The following LDLRAD2 variants were observed in gnomAD, a reference collection of about 807,000 sequenced individuals.
The protein encoded by LDLRAD2 is low density lipoprotein receptor class A domain containing 2.
LDLRAD2 carries 25 observed loss-of-function variants against 24.9 expected under a neutral mutation model. That is an observed-to-expected ratio of 1.00 (90% CI 0.73 to 1.40). The LOEUF (loss-of-function observed/expected upper bound fraction) is 1.40. Among genes scored for constraint, LDLRAD2 ranks in the 40% most tolerant of loss-of-function variants. LDLRAD2 has a pLI of 0.00. For synonymous variants in LDLRAD2, 182 were observed against 166.7 expected (o/e 1.09, Z -0.71); for missense variants, 391 against 366.2 (o/e 1.07, Z -0.55).
In LDLRAD2 at chr1:21,823,190, G is replaced by A; in HGVS notation, c.*975G>A. On this transcript the variant is annotated 3_prime_UTR_variant, in exon 5 of 5. Coordinates refer to ENST00000344642, the MANE Select transcript of LDLRAD2 (RefSeq NM_001013693.3). Reference sequence around the variant, plus strand: ...ATGCCCACCTCCAGTCCAGCCCAGGGCGGTAGCAGCAAAGCGTGGCATCGC... The same window carrying A: ...ATGCCCACCTCCAGTCCAGCCCAGGACGGTAGCAGCAAAGCGTGGCATCGC... 2 of 941,692 alleles carry A rather than the reference G, an allele frequency of 2.1e-6. No homozygotes were observed. The highest frequency in any genetic ancestry group is 2.8e-5 in the East Asian group (1 of 35,470). 58.3% of individuals were successfully genotyped at this position (941,692 alleles called of 1,614,324 possible). A position where few individuals can be genotyped will look rare whatever the true frequency, so the allele number is the denominator to read the frequency against.
chr1:21,823,443 G>T lies in LDLRAD2; in HGVS notation c.*1228G>T. 2 of 1,592,822 alleles carry T rather than the reference G, an allele frequency of 1.3e-6. No homozygotes were observed. The highest frequency in any genetic ancestry group is 1.3e-5 in the African/African-American group (1 of 74,822). ...GTTCTTGACACAGCCTGTGATGCCTGAGGAGAATCTGCCCCCGGTCAGCGT... is the reference window on the plus strand; with the variant it reads ...GTTCTTGACACAGCCTGTGATGCCTTAGGAGAATCTGCCCCCGGTCAGCGT... On this transcript the variant is annotated 3_prime_UTR_variant, in exon 5 of 5. Transcript: ENST00000344642.
intron 2 of LDLRAD2, among the ~76,000 whole-genome samples, chr1:21,815,640 A>G (rs776157368): frequency 6.6e-6 from 1 of 152,144 alleles, no homozygotes; most frequent in African/African-American, 2.4e-5. Context: ...TTTAAAAAAT[A>G]TAATAATTAA....
rs1225006602 is a variant in LDLRAD2, at chr1:21,821,567, C to T, written c.761C>T (p.Ser254Phe). 1 of 1,614,114 alleles carries T rather than the reference C, an allele frequency of 6.2e-7. No individual in the cohort carries two copies. The highest frequency in any genetic ancestry group is 8.5e-7 in the Non-Finnish European group (1 of 1,180,028). The change falls in exon 4 of 5, where the codon TCC (serine) becomes TTC (phenylalanine). Residue 254 changes from serine to phenylalanine, a missense_variant. By Grantham distance (155) the Ser-to-Phe change is radical (BLOSUM62 -2). Coordinates refer to ENST00000344642, the MANE Select transcript of LDLRAD2 (RefSeq NM_001013693.3). ...GSLWIAAERS[S>F]PAGRDPTRQD... The stretch of plus-strand genomic sequence containing the variant: ...CTCTGGATTGCAGCTGAGAGGAGTT[C>T]CCCAGCAGGCAGGGACCCCACGAGA...
chr1:21,822,379 C>T lies in LDLRAD2; in HGVS notation c.*164C>T, dbSNP rs2097953934. On this transcript the variant is annotated 3_prime_UTR_variant, in exon 5 of 5. Transcript: ENST00000344642. The stretch of plus-strand genomic sequence containing the variant: ...CAGGATGGCACTTGAGCTGGATCTT[C>T]AGGCTCCTGCAGATGGGGCAGGGTG... 1 of 681,576 alleles carries T rather than the reference C, an allele frequency of 1.5e-6. No homozygotes were observed. Among genetic ancestry groups the T allele is most frequent in the Non-Finnish European group, 2.6e-6 (1 of 387,064 alleles). 42.2% of individuals were successfully genotyped at this position (681,576 alleles called of 1,614,324 possible). A position where few individuals can be genotyped will look rare whatever the true frequency, so the allele number is the denominator to read the frequency against.
At position 21,819,043 on chromosome 1, in the gene LDLRAD2, G is replaced by A. The variant is rs113114856; in HGVS notation, c.644-2407G>A. Reference sequence around the variant, plus strand: ...AAGCTCGTTCCTTTGCTTCCTGGTGGGTCTCTTTAAGTTCTTCCCTGACTC... The same window carrying A: ...AAGCTCGTTCCTTTGCTTCCTGGTGAGTCTCTTTAAGTTCTTCCCTGACTC... On this transcript the variant is annotated intron_variant, in intron 3 of 4. Coordinates refer to ENST00000344642, the MANE Select transcript of LDLRAD2 (RefSeq NM_001013693.3). Among the ~76,000 whole-genome samples, 363 of 151,632 alleles carry A rather than the reference G, an allele frequency of 2.4e-3. 2 individuals carry two copies. The highest frequency in any genetic ancestry group is 8.5e-3 in the African/African-American group (350 of 41,308).
At chr1:21,813,342 T>C (rs1310841925) in intron 1 of LDLRAD2, among the ~76,000 whole-genome samples, 1 of 151,754 alleles carries the variant, frequency 6.6e-6, no homozygotes, top group East Asian at 1.9e-4. Context: ...CTCTCTAAAC[T>C]CCATGCCTGC....
intron 3 of LDLRAD2, among the ~76,000 whole-genome samples, chr1:21,820,769 T>C (rs2097950360): frequency 6.6e-6 from 1 of 152,206 alleles, no homozygotes; most frequent in South Asian, 2.1e-4. Context: ...GTCAAATGAA[T>C]GGAAGAAGGA....
At chr1:21,820,472 G>A (rs1379321114) in intron 3 of LDLRAD2, among the ~76,000 whole-genome samples, 1 of 139,790 alleles carries the variant, frequency 7.2e-6, no homozygotes, top group South Asian at 2.3e-4. Context: ...GCAGTGAGCC[G>A]AGATCCTGCC....
chr1:21,819,248 C>T (rs2097947562), intron 3 of LDLRAD2, among the ~76,000 whole-genome samples: 2 of 151,918 alleles, frequency 1.3e-5, no homozygotes, highest in African/African-American at 4.8e-5. Flanking sequence ...TGGCATATGC[C>T]TGTAGTCCCA....
chr1:21,817,326 C>CT (rs1414107657), intron 3 of LDLRAD2, among the ~76,000 whole-genome samples: 17 of 152,226 alleles, frequency 1.1e-4, no homozygotes, highest in African/African-American at 2.9e-4. Flanking sequence ...TTTTCTTTTT[C>CT]TTTTTTTCAA....
rs1239433395 is a variant in LDLRAD2 at position 21,824,886 on chromosome 1, T to G, written c.*2671T>G. The G allele has an allele frequency of 6.6e-6, 7 of 1,055,128 alleles. No individual in the cohort carries two copies. The highest frequency in any genetic ancestry group is 8.6e-6 in the Non-Finnish European group (6 of 697,694). 65.4% of individuals were successfully genotyped at this position (1,055,128 alleles called of 1,614,324 possible). ...ACGCCAACATGCAGGACTAGGGGGCTCCGAGCCTGCAGTCCCTGGGGACCC... is the reference window on the plus strand; with the variant it reads ...ACGCCAACATGCAGGACTAGGGGGCGCCGAGCCTGCAGTCCCTGGGGACCC... On this transcript the variant is annotated 3_prime_UTR_variant, in exon 5 of 5. Transcript: ENST00000344642. This position sits in a 1 kb window ranked among gnomAD's most constrained non-coding sequence, Gnocchi z 5.9.
Position 21,816,030 on chromosome 1 carries a change from GC to G in LDLRAD2, c.600del (p.Asp201MetfsTer34). On this transcript the variant is annotated frameshift_variant, in exon 3 of 5. Transcript: ENST00000344642. LOFTEE classifies it high-confidence loss of function. ...GACCCCTGGGGCATGGACAACTGTG[GC>G]GATGGCAGTGACCAGGGCTCCTGGT... ...VCDPWGMDNC[G>X]DGSDQGSWSP... 1 of 1,613,784 alleles carries G rather than the reference GC, an allele frequency of 6.2e-7. No homozygotes were observed. The highest frequency in any genetic ancestry group is 8.5e-7 in the Non-Finnish European group (1 of 1,180,006).
chr1:21,812,449 T>G lies in LDLRAD2; in HGVS notation c.-3T>G. 2 of 1,613,772 alleles carry G rather than the reference T, an allele frequency of 1.2e-6. No homozygotes were observed. Among genetic ancestry groups the G allele is most frequent in the Non-Finnish European group, 1.7e-6 (2 of 1,179,712 alleles). ...CCCCATTGCTGGGCACAGCAGAGCC[T>G]GGATGGAGGCTTGTTGTCTTCTGCA... On this transcript the variant is annotated 5_prime_UTR_variant, in exon 1 of 5. Transcript: ENST00000344642.
intron 1 of LDLRAD2, among the ~76,000 whole-genome samples, chr1:21,813,021 G>T (rs2097940108): frequency 1.3e-5 from 2 of 152,254 alleles, no homozygotes; most frequent in South Asian, 2.1e-4. Context: ...TCCCGGCTGG[G>T]CGCAGTGGCT....
At chr1:21,821,969 G>T in intron 4 of LDLRAD2, 4 of 1,425,116 alleles carry the variant, frequency 2.8e-6, no homozygotes, top group Non-Finnish European at 3.7e-6. Context: ...CCCTAGAGGG[G>T]CTTCGGGCAC....
intron 3 of LDLRAD2, among the ~76,000 whole-genome samples, chr1:21,818,352 T>G (rs111587757): frequency 1.3e-5 from 2 of 152,250 alleles, no homozygotes; most frequent in African/African-American, 4.8e-5. Flanking sequence ...CTCTTTAGGC[T>G]CCCCTTGGCT....
In LDLRAD2 at chr1:21,822,491, C is replaced by A; in HGVS notation, c.*276C>A. 2 of 372,008 alleles carry A rather than the reference C, an allele frequency of 5.4e-6. No homozygotes were observed. Among genetic ancestry groups the A allele is most frequent in the Non-Finnish European group, 5.2e-6 (1 of 194,000 alleles). The allele number at this position is 372,008 out of a possible 1,614,324, so 23.0% of individuals were successfully genotyped here. A position where few individuals can be genotyped will look rare whatever the true frequency, so the allele number is the denominator to read the frequency against. ...GCTCTTCCTGAGCACCAGCGGCATC[C>A]GTCCGTCCGTTGTCTGTTGGAGGAG... On this transcript the variant is annotated 3_prime_UTR_variant, in exon 5 of 5. Transcript: ENST00000344642.
Position 21,814,622 on chromosome 1 carries a change from GC to G in LDLRAD2, c.312del (p.Asp105ThrfsTer29). 2 of 1,609,014 alleles carry G rather than the reference GC, an allele frequency of 1.2e-6. No homozygotes were observed. Among genetic ancestry groups the G allele is most frequent in the Non-Finnish European group, 1.7e-6 (2 of 1,177,926 alleles). On this transcript the variant is annotated frameshift_variant, in exon 2 of 5. Transcript: ENST00000344642. LOFTEE classifies it high-confidence loss of function. Reference protein sequence around the residue: ...PALNTSSPAPADPCAPGSYLQ... With the variant: ...PALNTSSPAPXDPCAPGSYLQ... ...GCTCAACACCTCCTCCCCGGCCCCGGCCGACCCGTGCGCCCCCGGCTCCTAC... is the reference window on the plus strand; with the variant it reads ...GCTCAACACCTCCTCCCCGGCCCCGGCGACCCGTGCGCCCCCGGCTCCTAC...
chr1:21,823,943 C>T lies in LDLRAD2; in HGVS notation c.*1728C>T, dbSNP rs2097960089. On this transcript the variant is annotated 3_prime_UTR_variant, in exon 5 of 5. Coordinates refer to ENST00000344642, the MANE Select transcript of LDLRAD2 (RefSeq NM_001013693.3). ...CCACTCCTGGGGCACTCGCCTGCCC[C>T]CAGCGGAGTTCAGTCCGAGATGGAA... 1.3e-6 allele frequency: 1 copy of T among 769,322 alleles called. No homozygotes were observed. The highest frequency in any genetic ancestry group is 2.2e-6 in the Non-Finnish European group (1 of 457,104). 47.7% of individuals were successfully genotyped at this position (769,322 alleles called of 1,614,324 possible). A position where few individuals can be genotyped will look rare whatever the true frequency, so the allele number is the denominator to read the frequency against.
Sources: allele counts gnomAD v4.1 joint callset (sites outside exome capture counted in the v4.1 genomes callset), GRCh38; gene constraint gnomAD v4.1.1; non-coding constraint Gnocchi (gnomAD v3.1); transcripts MANE v1.5; gene names NCBI Gene and HGNC (gene_info 2026-07-23, HGNC 2026-07-21).